SLC22A23: variants seen among roughly 807,000 people sequenced by gnomAD.
The protein encoded by SLC22A23 is solute carrier family 22 member 23, also known as ion transporter protein.
A neutral mutation model predicts 61.0 loss-of-function variants in SLC22A23; 26 were observed. That is an observed-to-expected ratio of 0.43 (90% confidence interval 0.31 to 0.59). SLC22A23 has a LOEUF of 0.59. Among genes scored for constraint, SLC22A23 ranks in the 20% least tolerant of loss-of-function variants. The pLI is 0.11. For synonymous variants in SLC22A23, 430 were observed against 413.9 expected (o/e 1.04, Z -0.47); for missense variants, 796 against 934.7 (o/e 0.85, Z 1.94).
At position 3,413,672 on chromosome 6, in the gene SLC22A23, A is replaced by G. The variant is rs77454469; in HGVS notation, c.758+2080T>C. On this transcript the variant is annotated intron_variant, in intron 2 of 9. Coordinates refer to ENST00000406686, the MANE Select transcript of SLC22A23 (RefSeq NM_015482.2). ...TTAAATGTTACTAAATGCTGACTGC[A>G]GCCTTAGGAAGCATATTGTATGACT... Among the ~76,000 whole-genome samples, 462 of 152,358 alleles carry G rather than the reference A, an allele frequency of 3.0e-3. 12 individuals carry two copies. The East Asian group carries it at 0.079, about 26-fold the overall frequency.
At chr6:3,385,575 CA>C (rs1444502961) in intron 3 of SLC22A23, among the ~76,000 whole-genome samples, 2 of 152,194 alleles carry the variant, frequency 1.3e-5, no homozygotes, top group Non-Finnish European at 2.9e-5. Context: ...TTACCATGAT[CA>C]AACAGAAAGT....
intron 7 of SLC22A23, among the ~76,000 whole-genome samples, chr6:3,285,442 A>G (rs1759898353): frequency 6.6e-6 from 1 of 152,234 alleles, no homozygotes; most frequent in African/African-American, 2.4e-5. Flanking sequence ...TGCCGCCTGC[A>G]TTCAAGCTGC....
rs1762706454 is a variant in SLC22A23, at chr6:3,317,459, C to T, written c.1082+6375G>A. ...CTAGCGCATCTAAGCAGAATTCCTC[C>T]TAGATGCTCCTAGATACTCCCTTCT... On this transcript the variant is annotated intron_variant, in intron 4 of 9. Transcript: ENST00000406686. The surrounding 1 kb of genome is among the most constrained non-coding windows in gnomAD (Gnocchi z 4.4). 6.6e-6 allele frequency among the ~76,000 whole-genome samples: 1 copy of T among 152,192 alleles called. No homozygotes were observed. Among genetic ancestry groups the T allele is most frequent in the Non-Finnish European group, 1.5e-5 (1 of 68,036 alleles).
chr6:3,388,467 TG>T (rs1455617932), intron 3 of SLC22A23, among the ~76,000 whole-genome samples: 8 of 152,148 alleles, frequency 5.3e-5, no homozygotes, highest in Non-Finnish European at 8.8e-5. Context: ...GAATGTCAGA[TG>T]GAACAGCCAG....
At chr6:3,429,422 C>A (rs1770713317) in intron 1 of SLC22A23, among the ~76,000 whole-genome samples, 1 of 152,178 alleles carries the variant, frequency 6.6e-6, no homozygotes, top group Admixed American at 6.5e-5. Flanking sequence ...TCCTTGAGAA[C>A]AAATCACTGC....
chr6:3,449,797 A>C (rs1561634015), intron 1 of SLC22A23, among the ~76,000 whole-genome samples: 1 of 152,212 alleles, frequency 6.6e-6, no homozygotes, highest in Non-Finnish European at 1.5e-5. Context: ...TCACCCTCCC[A>C]CTTCTAAAAA....
At chr6:3,398,433 T>G (rs1048545575) in intron 3 of SLC22A23, among the ~76,000 whole-genome samples, 2 of 148,622 alleles carry the variant, frequency 1.3e-5, no homozygotes, top group African/African-American at 5.0e-5. Flanking sequence ...CAGAGCCAAC[T>G]CTGCTTGGAT....
chr6:3,274,466 T>C (rs1758713857), intron 9 of SLC22A23, among the ~76,000 whole-genome samples: 1 of 152,180 alleles, frequency 6.6e-6, no homozygotes, highest in Non-Finnish European at 1.5e-5. Flanking sequence ...AGCTTTCTAA[T>C]GGGCTGCTCG....
intron 4 of SLC22A23, among the ~76,000 whole-genome samples, chr6:3,301,914 T>C (rs1302263372): frequency 6.6e-6 from 1 of 152,226 alleles, no homozygotes; most frequent in Non-Finnish European, 1.5e-5. Flanking sequence ...GTATGGACAT[T>C]TGAGTGGTGC....
intron 1 of SLC22A23, among the ~76,000 whole-genome samples, chr6:3,434,819 T>A (rs1581885347): frequency 6.6e-6 from 1 of 152,192 alleles, no homozygotes; most frequent in South Asian, 2.1e-4. Context: ...TTTGATCGTA[T>A]CCTCCCTTGT....
chr6:3,307,937 G>A (rs181460686), intron 4 of SLC22A23, among the ~76,000 whole-genome samples: 15 of 152,306 alleles, frequency 9.8e-5, no homozygotes, highest in African/African-American at 3.6e-4. Context: ...CAGCATGGGA[G>A]AACCTAGAGG....
intron 3 of SLC22A23, among the ~76,000 whole-genome samples, chr6:3,400,788 C>T (rs1055145817): frequency 1.3e-5 from 2 of 152,250 alleles, no homozygotes; most frequent in African/African-American, 4.8e-5. Context: ...TCTTCACACA[C>T]TGCCTTTCAG....
chr6:3,345,377 T>G (rs1764373751), intron 3 of SLC22A23, among the ~76,000 whole-genome samples: 1 of 149,788 alleles, frequency 6.7e-6, no homozygotes, highest in Non-Finnish European at 1.5e-5. Flanking sequence ...TTTTTTTTTT[T>G]TTTTTGAGAC....
chr6:3,361,878 T>C (rs6906575), intron 3 of SLC22A23, among the ~76,000 whole-genome samples: 101,409 of 152,020 alleles, frequency 0.67, 34,436 homozygotes, highest in East Asian at 0.84. Flanking sequence ...GATGAAGACA[T>C]GGTCCCTACC....
At chr6:3,400,693 T>A (rs1768325334) in intron 3 of SLC22A23, among the ~76,000 whole-genome samples, 1 of 152,256 alleles carries the variant, frequency 6.6e-6, no homozygotes, top group African/African-American at 2.4e-5. Context: ...CACCCAAGCA[T>A]CTTCTCAACT....
Position 3,410,110 on chromosome 6 carries a change from G to A in SLC22A23, c.913+78C>T. 1 of 1,507,532 alleles carries A rather than the reference G, an allele frequency of 6.6e-7. No individual in the cohort carries two copies. Among genetic ancestry groups the A allele is most frequent in the South Asian group, 1.3e-5 (1 of 75,242 alleles). The allele number at this position is 1,507,532 out of a possible 1,614,324, so 93.4% of individuals were successfully genotyped here. ...CCAGCCCACACGAGCAGCATGCACA[G>A]TATCTTTCCCAGAACCTCCCAGGCA... On this transcript the variant is annotated intron_variant, in intron 3 of 9. Coordinates refer to ENST00000406686, the MANE Select transcript of SLC22A23 (RefSeq NM_015482.2). This position sits in a 1 kb window ranked among gnomAD's most constrained non-coding sequence, Gnocchi z 5.0.
At chr6:3,433,014 G>A (rs550469732) in intron 1 of SLC22A23, among the ~76,000 whole-genome samples, 1 of 152,342 alleles carries the variant, frequency 6.6e-6, no homozygotes, top group South Asian at 2.1e-4. Context: ...GCAGCTGGCT[G>A]TGGGCTGGGT....
intron 3 of SLC22A23, among the ~76,000 whole-genome samples, chr6:3,365,486 C>T (rs533900116): frequency 1.3e-5 from 2 of 152,264 alleles, no homozygotes; most frequent in South Asian, 4.2e-4. Flanking sequence ...TTCAGGCAGG[C>T]ACTTGGTCTG....
At chr6:3,430,861 GT>G (rs2127539792) in intron 1 of SLC22A23, among the ~76,000 whole-genome samples, 1 of 152,258 alleles carries the variant, frequency 6.6e-6, no homozygotes, top group East Asian at 1.9e-4. Context: ...AAGGTGGGAA[GT>G]TTGAGACCAG....
Sources: allele counts gnomAD v4.1 joint callset (sites outside exome capture counted in the v4.1 genomes callset), GRCh38; gene constraint gnomAD v4.1.1; non-coding constraint Gnocchi (gnomAD v3.1); transcripts MANE v1.5; gene names NCBI Gene and HGNC (gene_info 2026-07-23, HGNC 2026-07-21).